Variants in MFSD11 observed in about 807,000 individuals in gnomAD.
MFSD11 encodes UNC93-like protein MFSD11.
MFSD11 carries 36 observed loss-of-function variants against 53.5 expected under a neutral mutation model. That is an observed-to-expected ratio of 0.67 (90% confidence interval 0.52 to 0.89). The LOEUF is 0.89. Among genes scored for constraint, MFSD11 ranks in the 40% least tolerant of loss-of-function variants. MFSD11 has a pLI of 0.00. For missense variants in MFSD11, 530 were observed against 543.9 expected (o/e 0.97, Z 0.25); for synonymous variants, 186 against 184.9 (o/e 1.01, Z -0.05).
rs776224931 is a variant in MFSD11 at position 76,743,381 on chromosome 17, C to A, written c.438-17C>A. 1.7e-5 allele frequency: 26 copies of A among 1,531,232 alleles called. No individual in the cohort carries two copies. The South Asian group carries it at 3.2e-4, about 19-fold the overall frequency. 94.9% of individuals were successfully genotyped at this position (1,531,232 alleles called of 1,614,324 possible). ...AAATAATTACCCAACATCCTATCCT[C>A]CCTTTTCTTCCCCCAGCTTGTTCTT... is the stretch of plus-strand genomic sequence containing the variant. On this transcript the variant is annotated splice_polypyrimidine_tract_variant and intron_variant, in intron 5 of 12. Coordinates refer to ENST00000685175, the MANE Select transcript of MFSD11 (RefSeq NM_001242532.5).
At chr17:76,765,391 G>A (rs1448235936) in intron 8 of MFSD11, among the ~76,000 whole-genome samples, 6 of 149,010 alleles carry the variant, frequency 4.0e-5, no homozygotes, top group Non-Finnish European at 8.9e-5. Context: ...TGGAAAGTGT[G>A]AATCCTCCAA....
rs189815254 is a variant in MFSD11, at chr17:76,776,128, G to A, written c.1050-278G>A. Among the ~76,000 whole-genome samples, 39 of 152,154 alleles carry A rather than the reference G, an allele frequency of 2.6e-4. No individual in the cohort carries two copies. The highest frequency in any genetic ancestry group is 3.9e-4 in the East Asian group (2 of 5,174). On this transcript the variant is annotated intron_variant, in intron 11 of 12. Transcript: ENST00000685175. The surrounding 1 kb of genome is among the most constrained non-coding windows in gnomAD (Gnocchi z 4.2). Reference sequence around the variant, plus strand: ...CGAGTAGCTGGGATTACAGGCACGCGCCACTATGCCCAGCTAATTTTTATA... The same window carrying A: ...CGAGTAGCTGGGATTACAGGCACGCACCACTATGCCCAGCTAATTTTTATA...
rs142112197 is a variant in MFSD11 at position 76,769,891 on chromosome 17, G to A, written c.874+20G>A. On this transcript the variant is annotated intron_variant, in intron 10 of 12. Coordinates refer to ENST00000685175, the MANE Select transcript of MFSD11 (RefSeq NM_001242532.5). Reference sequence around the variant, plus strand: ...TTTTAGGTTGGTTTTAAAAAAAAGCGTTTGCATTAAAAATATCAGTTTATT... The same window carrying A: ...TTTTAGGTTGGTTTTAAAAAAAAGCATTTGCATTAAAAATATCAGTTTATT... The A allele has an allele frequency of 4.1e-5, 66 of 1,600,720 alleles. No homozygotes were observed. Among genetic ancestry groups the A allele is most frequent in the Non-Finnish European group, 5.4e-5 (63 of 1,176,076 alleles).
At chr17:76,736,644 G>A (rs957294548), upstream of MFSD11, 74 of 1,175,638 alleles carry the variant, frequency 6.3e-5, no homozygotes, top group Admixed American at 3.3e-4. Context: ...GCAGACGGCG[G>A]AAGCTCGCGG....
At chr17:76,790,584 C>G in the MFSD11 span, among the ~76,000 whole-genome samples, 6 of 147,176 alleles carry the variant, frequency 4.1e-5, no homozygotes, top group African/African-American at 1.0e-4. Flanking sequence ...TCCCAAAGTG[C>G]TGGGATTACA....
intron 8 of MFSD11, among the ~76,000 whole-genome samples, chr17:76,759,756 CTTTTTTTTTTTTTTTTTT>C (rs1159131964): frequency 5.6e-4 from 15 of 27,006 alleles, no homozygotes; most frequent in African/African-American, 2.2e-3. Context: ...CGTGACCGGC[CTTTTTTTTTTTTTTTTTT>C]TTTTTTTTTT....
intron 7 of MFSD11, 33 bp downstream of exon 7, chr17:76,744,499 A>T (rs2078379264): frequency 6.3e-7 from 1 of 1,591,022 alleles, no homozygotes; most frequent in South Asian, 1.1e-5. Flanking sequence ...TTTTATTTTA[A>T]AATAGATTTT....
At position 76,767,464 on chromosome 17, in the gene MFSD11, C is replaced by T; in HGVS notation, c.748+13C>T. ...ACTGCTTATACAGGTAATGGAATTA[C>T]TGTTCTTATTTTCTCTTGCTGCATA... On this transcript the variant is annotated intron_variant, in intron 9 of 12. Transcript: ENST00000685175. 1 of 1,510,024 alleles carries T rather than the reference C, an allele frequency of 6.6e-7. No individual in the cohort carries two copies. The highest frequency in any genetic ancestry group is 9.2e-7 in the Non-Finnish European group (1 of 1,092,296). The allele number at this position is 1,510,024 out of a possible 1,614,324, so 93.5% of individuals were successfully genotyped here.
chr17:76,758,579 C>T (rs2079882183), intron 8 of MFSD11, among the ~76,000 whole-genome samples: 1 of 91,566 alleles, frequency 1.1e-5, no homozygotes, highest in African/African-American at 7.2e-5. Flanking sequence ...GAGACCAGGT[C>T]TCAAAAAAAA....
intron 9 of MFSD11, among the ~76,000 whole-genome samples, chr17:76,768,398 A>G (rs1480315147): frequency 2.6e-5 from 4 of 152,034 alleles, no homozygotes; most frequent in African/African-American, 9.7e-5. Context: ...GTCAAGAATG[A>G]TAAAGAAATT....
At chr17:76,749,609 A>AGGCTGGG (rs1211902931) in intron 7 of MFSD11, among the ~76,000 whole-genome samples, 2 of 151,480 alleles carry the variant, frequency 1.3e-5, no homozygotes, top group Admixed American at 6.6e-5. Context: ...AAAATAAAGC[A>AGGCTGGG]GGCTGGGCAC....
chr17:76,795,476 G>A, the MFSD11 span, among the ~76,000 whole-genome samples: 7 of 151,800 alleles, frequency 4.6e-5, no homozygotes, highest in Non-Finnish European at 8.8e-5. Context: ...GTGACAGAAC[G>A]AGACTCCATC....
chr17:76,737,315 G>A (rs796467435), upstream of MFSD11: 193 of 1,084,414 alleles, frequency 1.8e-4, no homozygotes, highest in African/African-American at 2.5e-3. Flanking sequence ...GCAGGCTAGC[G>A]CACCTGAGTA....
chr17:76,749,852 A>G (rs1218710222), intron 7 of MFSD11, among the ~76,000 whole-genome samples: 2 of 149,966 alleles, frequency 1.3e-5, no homozygotes. Flanking sequence ...ATTGCACCGC[A>G]GCACTCCAGC....
chr17:76,778,437 C>G lies in MFSD11; in HGVS notation c.*85C>G. On this transcript the variant is annotated 3_prime_UTR_variant, in exon 13 of 13. Coordinates refer to ENST00000685175, the MANE Select transcript of MFSD11 (RefSeq NM_001242532.5). ...TGGAAGAAGTCGCCTTTGATCTTCA[C>G]TATATATTGGGTGATGTTCAGTATG... The G allele has an allele frequency of 7.5e-7, 1 of 1,335,806 alleles. No individual in the cohort carries two copies. Among genetic ancestry groups the G allele is most frequent in the Non-Finnish European group, 1.1e-6 (1 of 944,900 alleles). The allele number at this position is 1,335,806 out of a possible 1,614,324, so 82.7% of individuals were successfully genotyped here.
At chr17:76,767,494 C>G in intron 9 of MFSD11, 43 bp downstream of exon 9, 1 of 1,268,482 alleles carries the variant, frequency 7.9e-7, no homozygotes. Context: ...TGCATAATGA[C>G]AATAAGGAGT....
chr17:76,736,706 C>T (rs536602994), upstream of MFSD11: 19 of 1,332,222 alleles, frequency 1.4e-5, no homozygotes, highest in Admixed American at 4.6e-4. Flanking sequence ...CGTCCGGGCC[C>T]GCACCACGTG....
chr17:76,780,516 T>G (rs527352299), downstream of MFSD11, among the ~76,000 whole-genome samples: 3 of 145,562 alleles, frequency 2.1e-5, no homozygotes, highest in South Asian at 6.3e-4. Flanking sequence ...GTTGTGTATG[T>G]GTTTTTTTTT....
At chr17:76,761,457 A>G (rs948319284) in intron 8 of MFSD11, among the ~76,000 whole-genome samples, 1 of 152,186 alleles carries the variant, frequency 6.6e-6, no homozygotes, top group African/African-American at 2.4e-5. Context: ...AGATTACCCT[A>G]GCCATAAAAA....
Sources: gnomAD v4.1 joint callset for allele counts (sites outside exome capture counted in the v4.1 genomes callset) on GRCh38, gnomAD v4.1.1 for gene constraint, Gnocchi (gnomAD v3.1) non-coding constraint, MANE v1.5 for transcripts, NCBI Gene and HGNC (gene_info 2026-07-23, HGNC 2026-07-21) for gene names.